Variants in ERP44 observed in about 807,000 individuals in gnomAD.
ERP44 encodes endoplasmic reticulum protein 44.
ERP44 carries 25 observed loss-of-function variants against 53.4 expected under a neutral mutation model. The ratio of observed to expected loss-of-function variants is 0.47; its 90% confidence interval spans 0.34 to 0.65. The LOEUF (loss-of-function observed/expected upper bound fraction) is 0.65. Ranked by LOEUF, ERP44 falls within the 30% of genes least tolerant of loss-of-function variation. The pLI, the probability that ERP44 is intolerant of heterozygous loss-of-function variation, is 0.01. For synonymous variants in ERP44, 145 were observed against 161.2 expected (o/e 0.90, Z 0.76); for missense variants, 338 against 493.2 (o/e 0.69, Z 2.98).
At chr9:100,041,875 C>G (rs377099175) in intron 4 of ERP44, among the ~76,000 whole-genome samples, 1 of 152,182 alleles carries the variant, frequency 6.6e-6, no homozygotes, top group East Asian at 1.9e-4. Context: ...AAACTAGACC[C>G]CTATCTCTTG....
chr9:100,080,655 G>A (rs1347674570), intron 1 of ERP44, among the ~76,000 whole-genome samples: 1 of 152,186 alleles, frequency 6.6e-6, no homozygotes, highest in Non-Finnish European at 1.5e-5. Flanking sequence ...AAGGCAGGGA[G>A]CACTGCATGG....
At chr9:100,028,830 A>G (rs962894458) in intron 4 of ERP44, among the ~76,000 whole-genome samples, 1 of 152,206 alleles carries the variant, frequency 6.6e-6, no homozygotes, top group Non-Finnish European at 1.5e-5. Context: ...AACAAAAACA[A>G]AAAACTCGAC....
chr9:100,092,984 T>C (rs1421952716), intron 1 of ERP44, among the ~76,000 whole-genome samples: 1 of 152,126 alleles, frequency 6.6e-6, no homozygotes, highest in Non-Finnish European at 1.5e-5. Context: ...ACCCAAAAAA[T>C]ATAATTCTAG....
intron 4 of ERP44, among the ~76,000 whole-genome samples, chr9:100,036,439 A>G (rs1301265528): frequency 6.6e-6 from 1 of 152,200 alleles, no homozygotes; most frequent in African/African-American, 2.4e-5. Flanking sequence ...TGGGAGCAAA[A>G]CATTAGGTAT....
intron 1 of ERP44, among the ~76,000 whole-genome samples, chr9:100,064,605 C>T (rs191304588): frequency 2.0e-5 from 3 of 152,276 alleles, no homozygotes; most frequent in Admixed American, 1.3e-4. Flanking sequence ...TTGGTTCCCC[C>T]AGCTGTTCTT....
intron 10 of ERP44, among the ~76,000 whole-genome samples, chr9:100,003,102 A>T (rs992556927): frequency 2.0e-5 from 3 of 151,840 alleles, no homozygotes; most frequent in African/African-American, 7.3e-5. Flanking sequence ...CTTTTCATTC[A>T]TTGTGTTCTT....
chr9:100,023,945 A>T (rs1416303093), intron 4 of ERP44, among the ~76,000 whole-genome samples: 1 of 152,118 alleles, frequency 6.6e-6, no homozygotes, highest in Non-Finnish European at 1.5e-5. Flanking sequence ...ACTTGAGGTC[A>T]GGAGTTTGAG....
chr9:100,061,577 GAAACGTATA>G (rs1826149780), intron 1 of ERP44, among the ~76,000 whole-genome samples: 1 of 146,216 alleles, frequency 6.8e-6, no homozygotes, highest in Admixed American at 6.8e-5. Flanking sequence ...TATATTTATA[GAAACGTATA>G]TATTTATAGA....
At chr9:100,016,737 A>G (rs1040610080) in intron 7 of ERP44, among the ~76,000 whole-genome samples, 1 of 152,164 alleles carries the variant, frequency 6.6e-6, no homozygotes, top group African/African-American at 2.4e-5. Flanking sequence ...TCTTATATCC[A>G]TCCATGAACC....
At position 100,071,845 on chromosome 9, in the gene ERP44, C is replaced by T. The variant is rs557062472; in HGVS notation, c.58-11673G>A. ...CTGAAGCAGGAGAATCACTTTAACC[C>T]GGGAGGTGGAAGTTGCTGTGAGCTG... On this transcript the variant is annotated intron_variant, in intron 1 of 11. Transcript: ENST00000262455. Among the ~76,000 whole-genome samples the T allele has an allele frequency of 4.6e-5, 7 of 152,210 alleles. No individual in the cohort carries two copies. In the South Asian group the frequency reaches 1.5e-3, roughly 32 times the overall value.
intron 4 of ERP44, among the ~76,000 whole-genome samples, chr9:100,026,592 A>G (rs1169836862): frequency 1.3e-5 from 2 of 152,242 alleles, no homozygotes; most frequent in East Asian, 1.9e-4. Context: ...AAACTCCCAG[A>G]TAACATTTTG....
chr9:99,998,569 G>A (rs1454624355), intron 10 of ERP44: 32 of 732,310 alleles, frequency 4.4e-5, no homozygotes, highest in Non-Finnish European at 7.4e-5. Flanking sequence ...CAGGCTCGTG[G>A]TGAGCTCTGT....
chr9:99,985,906 T>A (rs10760707), intron 10 of ERP44, among the ~76,000 whole-genome samples: 28,544 of 152,052 alleles, frequency 0.19, 4,221 homozygotes, highest in African/African-American at 0.42. Flanking sequence ...CCTTGCGGCA[T>A]TCTCTTTACG....
rs1044106009 is a variant in ERP44, at chr9:99,982,493, ATTTC to A, written c.*115_*118del. 2.6e-5 allele frequency: 12 copies of A among 469,848 alleles called. No homozygotes were observed. Among genetic ancestry groups the A allele is most frequent in the East Asian group, 1.1e-4 (3 of 26,708 alleles). 29.1% of individuals were successfully genotyped at this position (469,848 alleles called of 1,614,324 possible). ...GGGAGAAAAAAATTAAAAACCCAAA[ATTTC>A]TTTCTGTTTATTCAAAATAAAAATA... On this transcript the variant is annotated 3_prime_UTR_variant, in exon 12 of 12. Coordinates refer to ENST00000262455, the MANE Select transcript of ERP44 (RefSeq NM_015051.3).
intron 1 of ERP44, among the ~76,000 whole-genome samples, chr9:100,069,731 T>C (rs1003734974): frequency 6.6e-6 from 1 of 152,152 alleles, no homozygotes; most frequent in Non-Finnish European, 1.5e-5. Context: ...CTCCAAAAAG[T>C]TCAAATATAG....
At position 99,982,058 on chromosome 9, in the gene ERP44, G is replaced by C. The variant is rs754057419; in HGVS notation, c.*554C>G. ...CTCCTCCACTTCAAAGTATGTTTAA[G>C]TTACACATTAAGAATCCAAAAAAAT... On this transcript the variant is annotated 3_prime_UTR_variant, in exon 12 of 12. Transcript: ENST00000262455. The C allele has an allele frequency of 2.0e-5, 3 of 152,628 alleles. No homozygotes were observed. In the East Asian group the frequency reaches 5.8e-4, roughly 29 times the overall value. The allele number at this position is 152,628 out of a possible 1,614,324, so 9.5% of individuals were successfully genotyped here.
intron 8 of ERP44, 119 bp from the exon 9 acceptor site, chr9:100,007,808 G>A: frequency 4.5e-6 from 3 of 665,634 alleles, no homozygotes; most frequent in Non-Finnish European, 8.1e-6. Context: ...ATATCCCGGG[G>A]GAAAAAAAAG....
chr9:99,991,973 G>A (rs917084963), intron 10 of ERP44, among the ~76,000 whole-genome samples: 3 of 152,138 alleles, frequency 2.0e-5, no homozygotes, highest in South Asian at 2.1e-4. Context: ...CCAGGAAGAC[G>A]TTGAATCCCT....
intron 10 of ERP44, among the ~76,000 whole-genome samples, chr9:100,004,707 A>T (rs993112982): frequency 6.6e-6 from 1 of 152,174 alleles, no homozygotes; most frequent in African/African-American, 2.4e-5. Context: ...AGCCTCTTCA[A>T]TGCATCATTT....
Sources: gnomAD v4.1 joint callset for allele counts (sites outside exome capture counted in the v4.1 genomes callset) on GRCh38, gnomAD v4.1.1 for gene constraint, MANE v1.5 for transcripts, NCBI Gene and HGNC (gene_info 2026-07-23, HGNC 2026-07-21) for gene names.